RUNX1: variants seen among roughly 807,000 people sequenced by gnomAD.
RUNX1 encodes the protein runt-related transcription factor 1.
In RUNX1, 19 loss-of-function variants were observed where a neutral mutation model predicts 42.8. The observed-to-expected ratio is 0.44, with a 90% CI of 0.31 to 0.65. RUNX1 has a LOEUF of 0.65. Ranked by LOEUF, RUNX1 falls within the 30% of genes least tolerant of loss-of-function variation. The pLI is 0.07. For synonymous variants in RUNX1, 271 were observed against 289.4 expected (o/e 0.94, Z 0.64); for missense variants, 528 against 672.0 (o/e 0.79, Z 2.37).
At chr21:34,797,964 C>T (rs2056553762) in intron 8 of RUNX1, 1 of 455,740 alleles carries the variant, frequency 2.2e-6, no homozygotes, top group South Asian at 1.6e-5. Context: ...AGGACAGACC[C>T]CCCCCAACAA....
chr21:34,934,339 T>G (rs778248021), intron 2 of RUNX1, among the ~76,000 whole-genome samples: 1 of 152,150 alleles, frequency 6.6e-6, no homozygotes, highest in African/African-American at 2.4e-5. Context: ...CTTGGAGGAC[T>G]GAGGCCATGT....
chr21:34,904,163 G>C (rs1362408582), intron 2 of RUNX1, among the ~76,000 whole-genome samples: 1 of 151,980 alleles, frequency 6.6e-6, no homozygotes, highest in Admixed American at 6.6e-5. Context: ...TGATTGTTTT[G>C]GACTTGCTTA....
chr21:34,887,837 A>C, intron 3 of RUNX1: 1 of 1,064,926 alleles, frequency 9.4e-7, no homozygotes, highest in African/African-American at 1.6e-5. Flanking sequence ...TAGTTGGAGC[A>C]GTGCTGAGCT....
intron 2 of RUNX1, among the ~76,000 whole-genome samples, chr21:34,949,385 G>A (rs1188194537): frequency 6.6e-6 from 1 of 152,220 alleles, no homozygotes; most frequent in Non-Finnish European, 1.5e-5. Context: ...GAACTGTGAA[G>A]TTAATTTCTG....
At chr21:34,899,197 A>T (rs2058156417) in intron 2 of RUNX1, among the ~76,000 whole-genome samples, 1 of 152,188 alleles carries the variant, frequency 6.6e-6, no homozygotes. Context: ...TACAGGTGTG[A>T]GCTACCACGC....
intron 2 of RUNX1, among the ~76,000 whole-genome samples, chr21:35,040,584 C>T (rs2147007174): frequency 6.6e-6 from 1 of 151,708 alleles, no homozygotes; most frequent in East Asian, 1.9e-4. Context: ...CCATCCTGGC[C>T]AACATGGTGA....
intron 2 of RUNX1, among the ~76,000 whole-genome samples, chr21:35,017,102 G>C (rs1042377548): frequency 3.3e-5 from 5 of 152,102 alleles, no homozygotes; most frequent in African/African-American, 9.7e-5. Flanking sequence ...TGTGATTTAG[G>C]AGGTATGAAG....
intron 5 of RUNX1, among the ~76,000 whole-genome samples, chr21:34,875,862 G>C (rs9976377): frequency 0.22 from 33,989 of 152,084 alleles, 7,546 homozygotes; most frequent in African/African-American, 0.58. Context: ...CCACACTTTA[G>C]CCCAAATAAT....
intron 2 of RUNX1, among the ~76,000 whole-genome samples, chr21:34,973,348 G>A (rs1439638905): frequency 6.6e-6 from 1 of 152,138 alleles, no homozygotes; most frequent in Non-Finnish European, 1.5e-5. Flanking sequence ...GAAGAACGAG[G>A]GAAGCTCAAA....
At chr21:35,043,026 C>T (rs1385247039) in intron 2 of RUNX1, among the ~76,000 whole-genome samples, 1 of 152,112 alleles carries the variant, frequency 6.6e-6, no homozygotes, top group Admixed American at 6.5e-5. Context: ...ACGTGTCTCC[C>T]CAACAAAGAG....
intron 2 of RUNX1, among the ~76,000 whole-genome samples, chr21:35,026,728 T>G (rs2059239718): frequency 6.6e-6 from 1 of 152,078 alleles, no homozygotes; most frequent in Admixed American, 6.5e-5. Context: ...AGGGGATCCT[T>G]TAGAAAAAGC....
At chr21:34,951,784 G>A (rs1388660984) in intron 2 of RUNX1, among the ~76,000 whole-genome samples, 1 of 152,196 alleles carries the variant, frequency 6.6e-6, no homozygotes, top group Non-Finnish European at 1.5e-5. Context: ...TGGTGGGAAT[G>A]TAAATTAGTT....
At chr21:34,938,897 G>T (rs919275484) in intron 2 of RUNX1, among the ~76,000 whole-genome samples, 9 of 152,092 alleles carry the variant, frequency 5.9e-5, no homozygotes, top group African/African-American at 1.9e-4. Flanking sequence ...TCTTGGTTTT[G>T]TTACCTATGT....
chr21:34,888,839 T>G (rs2058037152), intron 3 of RUNX1: 1 of 315,696 alleles, frequency 3.2e-6, no homozygotes. Flanking sequence ...CGCCGGCTCC[T>G]GGAATTGGCC....
intron 2 of RUNX1, among the ~76,000 whole-genome samples, chr21:34,949,147 A>G (rs535807556): frequency 1.9e-4 from 29 of 152,338 alleles, no homozygotes; most frequent in African/African-American, 7.0e-4. Context: ...ATTTGGAAGA[A>G]AGAGATGAAC....
intron 3 of RUNX1, chr21:34,887,700 A>G: frequency 9.4e-7 from 1 of 1,063,748 alleles, no homozygotes; most frequent in Non-Finnish European, 1.1e-6. Context: ...GCACGTATAT[A>G]TAAATATATA....
At chr21:35,029,802 C>G (rs764202352) in intron 2 of RUNX1, among the ~76,000 whole-genome samples, 5 of 152,198 alleles carry the variant, frequency 3.3e-5, no homozygotes, top group Admixed American at 6.5e-5. Flanking sequence ...GCCCCCAACT[C>G]TGCTTCTAGG....
At position 34,874,610 on chromosome 21, in the gene RUNX1, C is replaced by CAAAAAAAAAAAAAAAAAAAAA. The variant is rs59950735; in HGVS notation, c.508+5926_508+5946dup. On this transcript the variant is annotated intron_variant, in intron 5 of 8. Transcript: ENST00000675419. ...AGGCAACAAGAGGGAAACTCTGTCT[C>CAAAAAAAAAAAAAAAAAAAAA]AAAAAAAAAAAAAAAAAAAAAAAAA... is the stretch of plus-strand genomic sequence containing the variant. Among the ~76,000 whole-genome samples, 2 of 25,300 alleles carry CAAAAAAAAAAAAAAAAAAAAA rather than the reference C, an allele frequency of 7.9e-5. 1 individual carries two copies. Among genetic ancestry groups the CAAAAAAAAAAAAAAAAAAAAA allele is most frequent in the African/African-American group, 4.6e-4 (2 of 4,368 alleles). 16.6% of individuals were successfully genotyped at this position (25,300 alleles called of 152,430 possible).
At chr21:34,823,437 T>TTTTTTTG (rs2056939660) in intron 7 of RUNX1, among the ~76,000 whole-genome samples, 1 of 11,248 alleles carries the variant, frequency 8.9e-5, no homozygotes, top group African/African-American at 1.0e-4. Context: ...TGGGTTTTTT[T>TTTTTTTG]TTTTTTTTTT....
Sources: allele counts gnomAD v4.1 joint callset (sites outside exome capture counted in the v4.1 genomes callset), GRCh38; gene constraint gnomAD v4.1.1; transcripts MANE v1.5; gene names NCBI Gene and HGNC (gene_info 2026-07-23, HGNC 2026-07-21).